CFAP54: variants seen among roughly 807,000 people sequenced by gnomAD.
CFAP54 encodes cilia and flagella associated protein 54.
CFAP54 carries 290 observed loss-of-function variants against 370.4 expected under a neutral mutation model. The observed-to-expected ratio is 0.78, with a 90% CI of 0.71 to 0.86. The LOEUF is 0.86. Ranked by LOEUF, CFAP54 falls within the 40% of genes least tolerant of loss-of-function variation. The pLI, the probability that CFAP54 is intolerant of heterozygous loss-of-function variation, is 0.00. For missense variants in CFAP54, 3,399 were observed against 3,528.7 expected (o/e 0.96, Z 0.93); for synonymous variants, 1,206 against 1,236.5 (o/e 0.98, Z 0.52).
Position 96,657,993 on chromosome 12 carries a change from G to A in CFAP54, c.5212G>A (p.Val1738Ile). 1 of 1,613,718 alleles carries A rather than the reference G, an allele frequency of 6.2e-7. No individual in the cohort carries two copies. Among genetic ancestry groups the A allele is most frequent in the Non-Finnish European group, 8.5e-7 (1 of 1,179,790 alleles). ...GCATCCTTTGGATGATGTAAATGTG[G>A]TTGATTTGAAATGGATCCACGACTT... is the stretch of plus-strand genomic sequence containing the variant. ...FEHPLDDVNV[V>I]DLKWIHDFVL... The change falls in exon 37 of 68, where the codon GTT becomes ATT. Residue 1738 changes from valine (V) to isoleucine (I), a missense_variant. Physicochemically the swap from Val to Ile is conservative, Grantham distance 29. Around this residue, in one of 3 missense-constraint regions of CFAP54, gnomAD observed 2,796 missense variants for 2,869.7 expected, o/e 0.97. Transcript: ENST00000524981.
intron 34 of CFAP54, 62 bp downstream of exon 34, chr12:96,648,079 C>T: frequency 1.6e-6 from 2 of 1,278,070 alleles, no homozygotes; most frequent in Non-Finnish European, 2.1e-6. Context: ...CTAAACAACA[C>T]AGCACACATA....
intron 38 of CFAP54, among the ~76,000 whole-genome samples, chr12:96,659,855 G>A (rs1956972319): frequency 6.6e-6 from 1 of 152,162 alleles, no homozygotes; most frequent in Non-Finnish European, 1.5e-5. Context: ...CAGCCAGCAA[G>A]GACTCAATTT....
chr12:96,508,591 A>ATT (rs755495094), intron 4 of CFAP54, among the ~76,000 whole-genome samples: 1 of 119,610 alleles, frequency 8.4e-6, no homozygotes, highest in African/African-American at 3.1e-5. Flanking sequence ...CGGCCTCTCA[A>ATT]TTTTTTTTTT....
chr12:96,570,244 G>A (rs984808269), intron 19 of CFAP54, among the ~76,000 whole-genome samples: 5 of 151,976 alleles, frequency 3.3e-5, no homozygotes, highest in African/African-American at 9.7e-5. Flanking sequence ...AAAGTGCTGG[G>A]ACTACAGGCA....
intron 39 of CFAP54, among the ~76,000 whole-genome samples, chr12:96,666,919 G>A (rs1173027434): frequency 6.6e-6 from 1 of 152,250 alleles, no homozygotes; most frequent in Non-Finnish European, 1.5e-5. Flanking sequence ...CTATGAGCCT[G>A]TAAAATCAAA....
At chr12:96,580,423 G>A (rs1284809435) in intron 20 of CFAP54, among the ~76,000 whole-genome samples, 174 bp from the exon 21 acceptor site, 1 of 152,076 alleles carries the variant, frequency 6.6e-6, no homozygotes, top group Non-Finnish European at 1.5e-5. Context: ...AATTGCCTCA[G>A]TAAACTAGCT....
chr12:96,773,411 G>A (rs1432523012), intron 60 of CFAP54, among the ~76,000 whole-genome samples: 2 of 152,208 alleles, frequency 1.3e-5, no homozygotes, highest in African/African-American at 4.8e-5. Flanking sequence ...TTGCATGAAT[G>A]CACTGAATTT....
At chr12:96,581,396 A>G (rs1167134633) in intron 22 of CFAP54, among the ~76,000 whole-genome samples, 11 of 152,160 alleles carry the variant, frequency 7.2e-5, no homozygotes, top group Admixed American at 2.0e-4. Flanking sequence ...AATAAATGTT[A>G]TCTGTTATCC....
Position 96,743,433 on chromosome 12 carries a change from C to G in CFAP54, c.7251C>G (p.Ile2417Met). ...EDDMTDCLSL[I>M]NEVCMEAKSA... Reference sequence around the variant, plus strand: ...ATATGACAGATTGCCTGAGCCTCATCAATGAAGTGTGTATGGAGGCAAAAA... The same window carrying G: ...ATATGACAGATTGCCTGAGCCTCATGAATGAAGTGTGTATGGAGGCAAAAA... The change falls in exon 53 of 68, where the codon ATC becomes ATG. Residue 2417 changes from isoleucine to methionine, a missense_variant. By Grantham distance (10) the Ile-to-Met change is conservative. Around this residue, in one of 3 missense-constraint regions of CFAP54, gnomAD observed 2,796 missense variants for 2,869.7 expected, o/e 0.97. Coordinates refer to ENST00000524981, the MANE Select transcript of CFAP54 (RefSeq NM_001306084.2). 1 of 1,613,974 alleles carries G rather than the reference C, an allele frequency of 6.2e-7. No homozygotes were observed. Among genetic ancestry groups the G allele is most frequent in the Non-Finnish European group, 8.5e-7 (1 of 1,179,924 alleles).
chr12:96,522,756 G>GAGCC (rs1417905744), intron 8 of CFAP54, among the ~76,000 whole-genome samples: 2 of 152,142 alleles, frequency 1.3e-5, no homozygotes, highest in Non-Finnish European at 2.9e-5. Context: ...CCAGGCTGAA[G>GAGCC]AGCCGCCTTC....
chr12:96,524,568 G>A (rs1955355668), intron 8 of CFAP54, among the ~76,000 whole-genome samples: 1 of 152,130 alleles, frequency 6.6e-6, no homozygotes, highest in Admixed American at 6.5e-5. Flanking sequence ...TTGGGATAAC[G>A]GGCAGAATTT....
At chr12:96,786,953 A>T in intron 62 of CFAP54, 55 bp downstream of exon 62, 1 of 1,263,954 alleles carries the variant, frequency 7.9e-7, no homozygotes, top group Non-Finnish European at 1.1e-6. Flanking sequence ...AATCATCATT[A>T]TATTTCAGAA....
In CFAP54 at chr12:96,602,677, A is replaced by T. The variant is rs576202934; in HGVS notation, c.3639+3910A>T. Among the ~76,000 whole-genome samples the T allele has an allele frequency of 1.8e-4, 28 of 152,180 alleles. No homozygotes were observed. The South Asian group carries it at 5.6e-3, about 30-fold the overall frequency. ...CATATATATTTAGGATAGTTACCTC[A>T]TTTTGTTGAATTGATCCCTTTACCA... On this transcript the variant is annotated intron_variant, in intron 26 of 67. Coordinates refer to ENST00000524981, the MANE Select transcript of CFAP54 (RefSeq NM_001306084.2).
At chr12:96,777,010 G>A (rs1167924939) in intron 60 of CFAP54, among the ~76,000 whole-genome samples, 1 of 152,022 alleles carries the variant, frequency 6.6e-6, no homozygotes, top group African/African-American at 2.4e-5. Context: ...TTTATCTTTG[G>A]CAGCACACCC....
intron 39 of CFAP54, among the ~76,000 whole-genome samples, chr12:96,671,942 G>A (rs1957151198): frequency 6.6e-6 from 1 of 151,702 alleles, no homozygotes; most frequent in Non-Finnish European, 1.5e-5. Flanking sequence ...GAGAGAGAGA[G>A]AGAGAGAAGG....
chr12:96,795,812 C>T (rs897631867), intron 63 of CFAP54, among the ~76,000 whole-genome samples: 4 of 152,128 alleles, frequency 2.6e-5, no homozygotes, highest in Admixed American at 2.6e-4. Flanking sequence ...GTCCAGGAAA[C>T]TTTATATTTG....
At chr12:96,829,178 A>C in intron 66 of CFAP54, 90 bp downstream of exon 66, 1 of 677,996 alleles carries the variant, frequency 1.5e-6, no homozygotes, top group East Asian at 2.8e-5. Flanking sequence ...AATTGTAAGT[A>C]TCAAGGGCCT....
chr12:96,848,137 C>T (rs1959411404), intron 66 of CFAP54, among the ~76,000 whole-genome samples: 4 of 152,072 alleles, frequency 2.6e-5, no homozygotes, highest in Admixed American at 2.6e-4. Flanking sequence ...AGTACAATGG[C>T]ACAATCTTGG....
chr12:96,574,792 G>T (rs369346334), intron 19 of CFAP54, among the ~76,000 whole-genome samples: 2 of 151,950 alleles, frequency 1.3e-5, no homozygotes, highest in East Asian at 1.9e-4. Context: ...TTTATTTAAG[G>T]TGTCTGCATT....
Sources: allele counts gnomAD v4.1 joint callset (sites outside exome capture counted in the v4.1 genomes callset), GRCh38; gene constraint gnomAD v4.1.1; regional missense constraint gnomAD v4.1.1; transcripts MANE v1.5; gene names NCBI Gene and HGNC (gene_info 2026-07-23, HGNC 2026-07-21).